PEBP4: variants seen among roughly 807,000 people sequenced by gnomAD.
The protein encoded by PEBP4 is phosphatidylethanolamine-binding protein 4.
PEBP4 carries 22 observed loss-of-function variants against 23.9 expected under a neutral mutation model. That is an observed-to-expected ratio of 0.92 (90% confidence interval 0.66 to 1.31). The LOEUF is 1.31. PEBP4 is among the 40% of genes most tolerant of loss of function. The probability of loss-of-function intolerance (pLI) is 0.00; values close to 1 mark genes in which losing one functional copy is unlikely to be tolerated. For missense variants in PEBP4, 324 were observed against 281.7 expected (o/e 1.15, Z -1.07); for synonymous variants, 112 against 99.3 (o/e 1.13, Z -0.76).
chr8:22,742,409 C>G (rs1392540730), intron 4 of PEBP4, among the ~76,000 whole-genome samples: 2 of 152,162 alleles, frequency 1.3e-5, no homozygotes, highest in Non-Finnish European at 2.9e-5. Context: ...GGTGAGACCC[C>G]TCCCCTCCTC....
chr8:22,894,371 A>G (rs1316943417), intron 3 of PEBP4, among the ~76,000 whole-genome samples: 1 of 152,190 alleles, frequency 6.6e-6, no homozygotes, highest in Non-Finnish European at 1.5e-5. Context: ...CAGGAGTTCG[A>G]GACCAGCCCA....
chr8:22,928,093 G>C (rs1809391216), upstream of PEBP4, among the ~76,000 whole-genome samples: 1 of 152,248 alleles, frequency 6.6e-6, no homozygotes, highest in Non-Finnish European at 1.5e-5. Context: ...TTGGCCCAGG[G>C]ATGGTCAGCT....
intron 3 of PEBP4, among the ~76,000 whole-genome samples, chr8:22,916,645 G>GTCATTCAT (rs57062493): frequency 1.7e-4 from 26 of 151,838 alleles, no homozygotes; most frequent in East Asian, 5.8e-4. Flanking sequence ...TCTCCCACAT[G>GTCATTCAT]TCATTCATTC....
chr8:22,926,224 C>T (rs1393412795), intron 2 of PEBP4, among the ~76,000 whole-genome samples: 3 of 152,102 alleles, frequency 2.0e-5, no homozygotes, highest in East Asian at 1.9e-4. Context: ...TATCTGCCTG[C>T]CTCAGTCTCC....
chr8:22,749,593 C>G (rs1483246449), intron 4 of PEBP4, among the ~76,000 whole-genome samples: 1 of 152,146 alleles, frequency 6.6e-6, no homozygotes, highest in East Asian at 1.9e-4. Context: ...TCCTTTCCTT[C>G]CCTTCCTGTG....
At chr8:22,728,185 G>A (rs1459652909) in intron 4 of PEBP4, among the ~76,000 whole-genome samples, 1 of 152,148 alleles carries the variant, frequency 6.6e-6, no homozygotes, top group Non-Finnish European at 1.5e-5. Context: ...GGAGAGGTGG[G>A]AGGCCCTGCT....
At chr8:22,757,281 C>T (rs535503358) in intron 4 of PEBP4, 12 of 152,356 alleles carry the variant, frequency 7.9e-5, no homozygotes, top group South Asian at 6.2e-4. Context: ...ACTCACACCA[C>T]GGTGACTCGG....
At chr8:22,902,525 G>C (rs1002433595) in intron 3 of PEBP4, among the ~76,000 whole-genome samples, 2 of 152,038 alleles carry the variant, frequency 1.3e-5, no homozygotes, top group African/African-American at 2.4e-5. Flanking sequence ...GCTTCATGTA[G>C]GATCTGATGC....
At chr8:22,799,412 C>A (rs1806335526) in intron 4 of PEBP4, among the ~76,000 whole-genome samples, 1 of 152,188 alleles carries the variant, frequency 6.6e-6, no homozygotes, top group South Asian at 2.1e-4. Flanking sequence ...GAATTTTAGG[C>A]ACCTCTAAAG....
intron 3 of PEBP4, among the ~76,000 whole-genome samples, chr8:22,864,408 C>T (rs1167099320): frequency 6.7e-6 from 1 of 149,944 alleles, no homozygotes; most frequent in Non-Finnish European, 1.5e-5. Context: ...ACTGTGTGAC[C>T]TCTGAACCTA....
At chr8:22,835,466 G>A (rs75665514) in intron 3 of PEBP4, among the ~76,000 whole-genome samples, 8 of 152,286 alleles carry the variant, frequency 5.3e-5, no homozygotes, top group South Asian at 2.1e-4. Context: ...TAAGCGGCCC[G>A]GGAACACTGG....
At chr8:22,776,861 G>A (rs1026248648) in intron 4 of PEBP4, among the ~76,000 whole-genome samples, 8 of 151,048 alleles carry the variant, frequency 5.3e-5, no homozygotes, top group Non-Finnish European at 7.4e-5. Context: ...TGAAGCCTGC[G>A]GAGCTGGGAG....
intron 3 of PEBP4, among the ~76,000 whole-genome samples, chr8:22,890,688 G>A (rs764125099): frequency 9.2e-5 from 14 of 152,186 alleles, no homozygotes; most frequent in Admixed American, 2.6e-4. Flanking sequence ...GCAGTGTGGC[G>A]CACAGAGTTT....
At chr8:22,896,923 T>A (rs989729636) in intron 3 of PEBP4, among the ~76,000 whole-genome samples, 2 of 150,230 alleles carry the variant, frequency 1.3e-5, no homozygotes, top group African/African-American at 4.9e-5. Flanking sequence ...TTTTTATATA[T>A]AACATATTTA....
At chr8:22,917,128 A>AG (rs67211429) in intron 3 of PEBP4, among the ~76,000 whole-genome samples, 357 of 108,324 alleles carry the variant, frequency 3.3e-3, no homozygotes, top group East Asian at 5.7e-3. Flanking sequence ...GGGGCGGGGG[A>AG]GGGGGGGGTG....
At chr8:22,781,297 G>T (rs1805909448) in intron 4 of PEBP4, among the ~76,000 whole-genome samples, 1 of 152,140 alleles carries the variant, frequency 6.6e-6, no homozygotes, top group Admixed American at 6.5e-5. Context: ...TTCCGGGAGA[G>T]CCGGAGGGGG....
intron 2 of PEBP4, among the ~76,000 whole-genome samples, chr8:22,922,189 T>C (rs1277960629): frequency 1.3e-5 from 2 of 152,056 alleles, no homozygotes; most frequent in African/African-American, 4.8e-5. Context: ...CAGGCCAGCG[T>C]TTGAACATAG....
intron 4 of PEBP4, among the ~76,000 whole-genome samples, chr8:22,786,186 G>A (rs1304621133): frequency 3.3e-5 from 5 of 152,172 alleles, no homozygotes; most frequent in African/African-American, 1.2e-4. Context: ...TGGTACTAAG[G>A]AAAGAACACT....
intron 4 of PEBP4, among the ~76,000 whole-genome samples, chr8:22,738,793 A>G (rs943866055): frequency 6.6e-6 from 1 of 152,178 alleles, no homozygotes; most frequent in African/African-American, 2.4e-5. Flanking sequence ...GCTGTCACAC[A>G]TGCACAGAGG....
Sources: gnomAD v4.1 joint callset for allele counts (sites outside exome capture counted in the v4.1 genomes callset) on GRCh38, gnomAD v4.1.1 for gene constraint, MANE v1.5 for transcripts, NCBI Gene and HGNC (gene_info 2026-07-23, HGNC 2026-07-21) for gene names.